GARRE1: variants seen among roughly 807,000 people sequenced by gnomAD.
The protein encoded by GARRE1 is granule associated Rac and RHOG effector 1, also known as granule associated Rac and RHOG effector protein 1.
In GARRE1, 49 loss-of-function variants were observed where a neutral mutation model predicts 103.2. The observed-to-expected ratio is 0.47, with a 90% CI of 0.38 to 0.60. The LOEUF (loss-of-function observed/expected upper bound fraction) is 0.60, where lower values mean the gene tolerates loss of function less well. GARRE1 is among the 20% of genes least tolerant of loss of function. GARRE1 has a pLI of 0.00. For synonymous variants in GARRE1, 505 were observed against 532.8 expected, an observed-to-expected ratio of 0.95 and a Z score of 0.72; for missense variants, 1,199 against 1,370.5, an observed-to-expected ratio of 0.87 and a Z score of 1.98.
At chr19:34,258,801 G>A (rs1012336963) in intron 1 of GARRE1, among the ~76,000 whole-genome samples, 2 of 142,996 alleles carry the variant, frequency 1.4e-5, no homozygotes, top group Non-Finnish European at 3.1e-5. Context: ...AAAAAAAAAA[G>A]AAAAGAAAAT....
Position 34,320,130 on chromosome 19 carries a change from T to TG in GARRE1, c.705+18dup, listed in dbSNP as rs778150929. 17 of 1,609,812 alleles carry TG rather than the reference T, an allele frequency of 1.1e-5. No homozygotes were observed. In the African/African-American group the frequency reaches 2.3e-4, roughly 22 times the overall value. The stretch of plus-strand genomic sequence containing the variant: ...GGGGCTGCTGAGGTAACCCTGGCTT[T>TG]GGGGAGATTGGTGCCTGTGTTCAAA... On this transcript the variant is annotated intron_variant, in intron 3 of 13. Coordinates refer to ENST00000299505, the MANE Select transcript of GARRE1 (RefSeq NM_014686.5).
intron 8 of GARRE1, among the ~76,000 whole-genome samples, chr19:34,335,005 T>C (rs1428952691): frequency 6.6e-6 from 1 of 151,424 alleles, no homozygotes; most frequent in Non-Finnish European, 1.5e-5. Context: ...ATCGTGCCAC[T>C]GCACTCCAGC....
chr19:34,307,649 ATACTTATATATACATATATACT>A (rs2074013952), intron 2 of GARRE1, among the ~76,000 whole-genome samples: 2 of 34,724 alleles, frequency 5.8e-5, no homozygotes, highest in African/African-American at 1.4e-4. Flanking sequence ...TTATATATAC[ATACTTATATATACATATATACT>A]TATATATACA....
At chr19:34,287,128 G>A (rs770879289) in intron 1 of GARRE1, among the ~76,000 whole-genome samples, 1 of 118,826 alleles carries the variant, frequency 8.4e-6, no homozygotes, top group South Asian at 2.8e-4. Context: ...GACAGAGCAA[G>A]ACTGTCTCAA....
intron 1 of GARRE1, among the ~76,000 whole-genome samples, chr19:34,276,666 T>C (rs908692409): frequency 6.6e-6 from 1 of 152,220 alleles, no homozygotes; most frequent in African/African-American, 2.4e-5. Context: ...CCTCATATCA[T>C]CTGTCTTAAG....
chr19:34,313,031 T>C (rs1316387704), intron 2 of GARRE1, among the ~76,000 whole-genome samples: 3 of 152,232 alleles, frequency 2.0e-5, no homozygotes, highest in Non-Finnish European at 4.4e-5. Context: ...ACTCACTCCC[T>C]GGTAGTGCTA....
rs1386494782 is a variant in GARRE1 at position 34,300,646 on chromosome 19, C to G, written c.173C>G (p.Thr58Ser). The change falls in exon 2 of 14, where the codon ACC (threonine) becomes AGC (serine). Residue 58 changes from threonine (T) to serine (S), a missense_variant. Transcript: ENST00000299505. Reference protein sequence around the residue: ...TATTAPLGSLTAAGSCHHAMP... With the variant: ...TATTAPLGSLSAAGSCHHAMP... ...ACCACTGCCCCCCTGGGCAGTCTGA[C>G]CGCTGCAGGCAGCTGCCACCATGCC... 1 of 1,613,842 alleles carries G rather than the reference C, an allele frequency of 6.2e-7. No homozygotes were observed. Among genetic ancestry groups the G allele is most frequent in the Non-Finnish European group, 8.5e-7 (1 of 1,180,018 alleles).
chr19:34,328,257 C>T lies in GARRE1; in HGVS notation c.1104+106C>T, dbSNP rs1388179285. 1.1e-5 allele frequency: 14 copies of T among 1,320,066 alleles called. No homozygotes were observed. The East Asian group carries it at 2.6e-4, about 25-fold the overall frequency. 81.8% of individuals were successfully genotyped at this position (1,320,066 alleles called of 1,614,324 possible). The stretch of plus-strand genomic sequence containing the variant: ...ATGTAGATTAAAAAAAAAATGGGGC[C>T]GGGCGTGGTGGCTCACGCCTGTAAT... On this transcript the variant is annotated intron_variant, in intron 6 of 13. Transcript: ENST00000299505.
Position 34,354,617 on chromosome 19 carries a change from A to T in GARRE1, c.*1662A>T, listed in dbSNP as rs1182088349. On this transcript the variant is annotated 3_prime_UTR_variant, in exon 14 of 14. Coordinates refer to ENST00000299505, the MANE Select transcript of GARRE1 (RefSeq NM_014686.5). Reference sequence around the variant, plus strand: ...AACCCGGGAGGCGGAGGTTACAGTGAGCTGAGATTGTGCCACTGCACTCCA... The same window carrying T: ...AACCCGGGAGGCGGAGGTTACAGTGTGCTGAGATTGTGCCACTGCACTCCA... 1 of 152,326 alleles carries T rather than the reference A, an allele frequency of 6.6e-6. No individual in the cohort carries two copies. The highest frequency in any genetic ancestry group is 2.1e-4 in the South Asian group (1 of 4,818). 9.4% of individuals were successfully genotyped at this position (152,326 alleles called of 1,614,324 possible).
intron 2 of GARRE1, among the ~76,000 whole-genome samples, chr19:34,319,197 C>T (rs1048113392): frequency 6.6e-6 from 1 of 152,100 alleles, no homozygotes; most frequent in Non-Finnish European, 1.5e-5. Flanking sequence ...ATTTAGTATA[C>T]ATCTTATTAT....
intron 8 of GARRE1, 94 bp from the exon 9 acceptor site, chr19:34,339,773 G>T: frequency 2.0e-6 from 3 of 1,485,764 alleles, no homozygotes; most frequent in South Asian, 1.2e-5. Flanking sequence ...GGCGCCAGAG[G>T]TACATAAAAG....
chr19:34,333,156 C>T (rs374203088), intron 7 of GARRE1, among the ~76,000 whole-genome samples: 3 of 152,276 alleles, frequency 2.0e-5, no homozygotes, highest in South Asian at 4.1e-4. Flanking sequence ...AAGCTATTCT[C>T]CTGCCTCAGC....
At position 34,317,197 on chromosome 19, in the gene GARRE1, C is replaced by T. The variant is rs1368798228; in HGVS notation, c.496-2710C>T. On this transcript the variant is annotated intron_variant, in intron 2 of 13. Transcript: ENST00000299505. ...TCTGTGTTCCTTTCCCAGCAGCACCCGGCCTTGCATATCTGTTCATTGCCT... is the reference window on the plus strand; with the variant it reads ...TCTGTGTTCCTTTCCCAGCAGCACCTGGCCTTGCATATCTGTTCATTGCCT... 4.6e-5 allele frequency among the ~76,000 whole-genome samples: 7 copies of T among 152,224 alleles called. No individual in the cohort carries two copies. The South Asian group carries it at 8.3e-4, about 18-fold the overall frequency.
At chr19:34,349,363 C>G (rs1396715869) in intron 12 of GARRE1, among the ~76,000 whole-genome samples, 1 of 152,004 alleles carries the variant, frequency 6.6e-6, no homozygotes, top group Non-Finnish European at 1.5e-5. Flanking sequence ...TTGTGCAGAT[C>G]AATTTGGGAG....
intron 1 of GARRE1, chr19:34,265,686 C>A (rs1252290903): frequency 6.6e-6 from 1 of 152,102 alleles, no homozygotes; most frequent in Non-Finnish European, 1.5e-5. Context: ...AGTTTGTTTT[C>A]GACTAGTAGA....
intron 8 of GARRE1, among the ~76,000 whole-genome samples, chr19:34,334,560 A>C (rs2074151996): frequency 6.6e-6 from 1 of 151,950 alleles, no homozygotes; most frequent in South Asian, 2.1e-4. Context: ...CTATCCAGGC[A>C]TGGTGGTGGG....
intron 6 of GARRE1, 122 bp downstream of exon 6, chr19:34,328,273 C>T (rs2074121681): frequency 5.5e-6 from 6 of 1,089,558 alleles, no homozygotes; most frequent in Non-Finnish European, 6.4e-6. Flanking sequence ...TGGTGGCTCA[C>T]GCCTGTAATC....
chr19:34,353,237 G>GCAC lies in GARRE1; in HGVS notation c.*282_*283insCAC, dbSNP rs2074250385. 8.9e-6 allele frequency: 4 copies of GCAC among 451,618 alleles called. No homozygotes were observed. Among genetic ancestry groups the GCAC allele is most frequent in the Non-Finnish European group, 1.6e-5 (4 of 255,086 alleles). The allele number at this position is 451,618 out of a possible 1,614,324, so 28.0% of individuals were successfully genotyped here. ...CCTGCATGCCTAGTAAGCGCCACAG[G>GCAC]TGACTCTGATGCAGGCGCCACAGCC... On this transcript the variant is annotated 3_prime_UTR_variant, in exon 14 of 14. Transcript: ENST00000299505.
chr19:34,314,881 T>C (rs1162504716), intron 2 of GARRE1, among the ~76,000 whole-genome samples: 1 of 152,230 alleles, frequency 6.6e-6, no homozygotes. Context: ...TGGGGATGCA[T>C]TTAGGTCTTT....
Sources: allele counts gnomAD v4.1 joint callset (sites outside exome capture counted in the v4.1 genomes callset), GRCh38; gene constraint gnomAD v4.1.1; transcripts MANE v1.5; gene names NCBI Gene and HGNC (gene_info 2026-07-23, HGNC 2026-07-21).